Variants in PKP2 observed in about 807,000 individuals in gnomAD.
PKP2 encodes plakophilin 2, also known as plakophilin-2.
Under a neutral mutation model 83.4 loss-of-function variants are expected in PKP2, and 73 were observed. The ratio of observed to expected loss-of-function variants is 0.88; its 90% confidence interval spans 0.72 to 1.06. PKP2 has a LOEUF of 1.06. PKP2 is among the 50% of genes least tolerant of loss of function. The pLI is 0.00. For synonymous variants in PKP2, 409 were observed against 430.4 expected (o/e 0.95, Z 0.62); for missense variants, 966 against 1,065.4 (o/e 0.91, Z 1.30).
intron 10 of PKP2, among the ~76,000 whole-genome samples, chr12:32,801,871 A>T (rs914162461): frequency 6.6e-6 from 1 of 152,196 alleles, no homozygotes; most frequent in African/African-American, 2.4e-5. Flanking sequence ...ACTCAAAAAA[A>T]ATCCATGCCA....
chr12:32,884,707 C>T (rs1311814489), intron 1 of PKP2, among the ~76,000 whole-genome samples: 1 of 151,762 alleles, frequency 6.6e-6, no homozygotes, highest in South Asian at 2.1e-4. Context: ...TTGATTTTCA[C>T]ATTTTTTCAT....
chr12:32,804,963 G>A (rs1478590844), intron 9 of PKP2, among the ~76,000 whole-genome samples: 1 of 152,142 alleles, frequency 6.6e-6, no homozygotes, highest in Admixed American at 6.6e-5. Flanking sequence ...GCCAGCATCT[G>A]TTGTTTTTTT....
At chr12:32,894,998 A>G (rs1050580261) in intron 1 of PKP2, among the ~76,000 whole-genome samples, 1 of 152,196 alleles carries the variant, frequency 6.6e-6, no homozygotes, top group Non-Finnish European at 1.5e-5. Flanking sequence ...GAGGCTTAGC[A>G]TCTAACAAAT....
intron 6 of PKP2, among the ~76,000 whole-genome samples, chr12:32,829,289 C>G (rs1437866325): frequency 1.3e-5 from 2 of 149,954 alleles, no homozygotes; most frequent in African/African-American, 4.9e-5. Flanking sequence ...GAGTCTCACT[C>G]TGTTGCCCAG....
intron 10 of PKP2, among the ~76,000 whole-genome samples, chr12:32,800,268 C>G (rs1366302374): frequency 6.6e-6 from 1 of 152,200 alleles, no homozygotes; most frequent in Non-Finnish European, 1.5e-5. Context: ...GTGACTGTCT[C>G]AACTTCAGAT....
rs1565574788 is a variant in PKP2 at position 32,802,533 on chromosome 12, TG to T, written c.2036del (p.Thr679LysfsTer23). 6.2e-7 allele frequency: 1 copy of T among 1,614,010 alleles called. No individual in the cohort carries two copies. Among genetic ancestry groups the T allele is most frequent in the East Asian group, 2.2e-5 (1 of 44,900 alleles). ...SGPMPTSVAQ[T>X]VVQKESGLQH... ...GCAGGCCACTTTCCTTCTGGACAAC[TG>T]TCTGAGCCACTGATGTCGGCATCTG... On this transcript the variant is annotated frameshift_variant, in exon 10 of 13. Coordinates refer to ENST00000340811, the MANE Select transcript of PKP2 (RefSeq NM_001005242.3). LOFTEE classifies it high-confidence loss of function.
intron 4 of PKP2, among the ~76,000 whole-genome samples, chr12:32,855,689 T>C (rs1219454513): frequency 6.8e-6 from 1 of 147,992 alleles, no homozygotes; most frequent in Non-Finnish European, 1.5e-5. Flanking sequence ...GGCAGAAGAA[T>C]TGCTTGAACC....
At chr12:32,881,229 G>A (rs1482135255) in intron 1 of PKP2, among the ~76,000 whole-genome samples, 1 of 152,072 alleles carries the variant, frequency 6.6e-6, no homozygotes, top group African/African-American at 2.4e-5. Context: ...AGGCCTCAAG[G>A]AGTCTTGTGA....
At chr12:32,817,452 T>C (rs938073125) in intron 9 of PKP2, among the ~76,000 whole-genome samples, 4 of 152,254 alleles carry the variant, frequency 2.6e-5, no homozygotes, top group Non-Finnish European at 5.9e-5. Context: ...TCTACTGGGC[T>C]GTCCATGTCT....
At chr12:32,871,991 T>C (rs1418818216) in intron 3 of PKP2, among the ~76,000 whole-genome samples, 2 of 152,064 alleles carry the variant, frequency 1.3e-5, no homozygotes, top group African/African-American at 4.8e-5. Flanking sequence ...CTTCTCTCTC[T>C]CCCCACTCAC....
chr12:32,895,188 A>AAT (rs551818135), intron 1 of PKP2, among the ~76,000 whole-genome samples: 6 of 151,970 alleles, frequency 3.9e-5, no homozygotes, highest in African/African-American at 1.5e-4. Flanking sequence ...CAAGTTTTTA[A>AAT]ATACATATAT....
chr12:32,822,388 T>TA (rs1956388405), intron 8 of PKP2, 79 bp downstream of exon 8: 1 of 1,206,176 alleles, frequency 8.3e-7, no homozygotes. Flanking sequence ...ACCAAGTACT[T>TA]AGACATACAC....
In PKP2 at chr12:32,823,910, A is replaced by T. The variant is rs936730993; in HGVS notation, c.1674+135T>A. ...GCCACCATGCCTGGCCTAGGTTTTA[A>T]TATTTCTAAGGATGAATGGAAGATC... is the stretch of plus-strand genomic sequence containing the variant. On this transcript the variant is annotated intron_variant, in intron 7 of 12. Transcript: ENST00000340811. 5 of 702,122 alleles carry T rather than the reference A, an allele frequency of 7.1e-6. No homozygotes were observed. In the Admixed American group the frequency reaches 1.0e-4, roughly 14 times the overall value. 43.5% of individuals were successfully genotyped at this position (702,122 alleles called of 1,614,324 possible).
intron 4 of PKP2, among the ~76,000 whole-genome samples, chr12:32,858,084 A>AATAT (rs869148477): frequency 3.6e-4 from 24 of 67,028 alleles, no homozygotes; most frequent in South Asian, 1.2e-3. Flanking sequence ...AAAAAAAAAA[A>AATAT]ATATATATAT....
chr12:32,799,388 G>C (rs768245901), intron 10 of PKP2, among the ~76,000 whole-genome samples: 8 of 152,186 alleles, frequency 5.3e-5, no homozygotes, highest in Non-Finnish European at 1.0e-4. Context: ...ATTCCTTAAA[G>C]AACTAAAAGT....
chr12:32,853,026 G>T (rs1317867862), intron 4 of PKP2, among the ~76,000 whole-genome samples: 1 of 152,172 alleles, frequency 6.6e-6, no homozygotes, highest in Non-Finnish European at 1.5e-5. Flanking sequence ...GGAGCTTGCA[G>T]TGAGCAGAAA....
intron 1 of PKP2, chr12:32,893,208 C>G (rs1028582281): frequency 3.3e-5 from 5 of 152,154 alleles, no homozygotes; most frequent in African/African-American, 2.4e-5. Flanking sequence ...GCAGGTTATC[C>G]GCTGTCTCAA....
chr12:32,831,081 AT>A (rs1185160021), intron 6 of PKP2, among the ~76,000 whole-genome samples: 1 of 152,232 alleles, frequency 6.6e-6, no homozygotes, highest in Non-Finnish European at 1.5e-5. Flanking sequence ...AAAATTAATT[AT>A]AAACAGCAAA....
intron 9 of PKP2, among the ~76,000 whole-genome samples, chr12:32,812,506 C>CT (rs1046695935): frequency 6.6e-6 from 1 of 152,012 alleles, no homozygotes; most frequent in Admixed American, 6.6e-5. Context: ...TTACTCATTT[C>CT]TTTTTTTCTT....
Sources: allele counts gnomAD v4.1 joint callset (sites outside exome capture counted in the v4.1 genomes callset), GRCh38; gene constraint gnomAD v4.1.1; transcripts MANE v1.5; gene names NCBI Gene and HGNC (gene_info 2026-07-23, HGNC 2026-07-21).